The following ANOS1 variants were observed in gnomAD, a reference collection of about 807,000 sequenced individuals.
ANOS1 encodes anosmin 1.
Under a neutral mutation model 59.0 loss-of-function variants are expected in ANOS1, and 6 were observed. The observed-to-expected ratio is 0.10, with a 90% confidence interval of 0.06 to 0.20. The LOEUF is 0.20. Among genes scored for constraint, ANOS1 ranks in the 10% least tolerant of loss-of-function variants. The pLI is 1.00. For synonymous variants in ANOS1, 217 were observed against 223.4 expected (o/e 0.97, Z 0.25); for missense variants, 433 against 542.3 (o/e 0.80, Z 2.00).
intron 2 of ANOS1, among the ~76,000 whole-genome samples, chrX:8,646,924 A>C (rs59187089): frequency 0.29 from 27,879 of 95,517 alleles, 6,610 homozygotes; most frequent in African/African-American, 0.76. Flanking sequence ...CAGAGTGCGA[A>C]CCTGTCTCAA....
chrX:8,693,324 A>T (rs1602028523), intron 2 of ANOS1, among the ~76,000 whole-genome samples: 1 of 111,431 alleles, frequency 9.0e-6, no homozygotes, highest in South Asian at 3.8e-4. Context: ...GCAAACAATG[A>T]TCTCAGTGGT....
intron 7 of ANOS1, 114 bp from the exon 8 acceptor site, chrX:8,568,490 C>T: frequency 1.4e-6 from 1 of 713,559 alleles, no homozygotes. Flanking sequence ...TTTCTTTTAC[C>T]AACTTTTCTA....
intron 3 of ANOS1, among the ~76,000 whole-genome samples, chrX:8,606,001 G>A (rs1930935635): frequency 9.2e-6 from 1 of 108,755 alleles, no homozygotes; most frequent in East Asian, 2.9e-4. Context: ...GGGGCAGGGG[G>A]CATGATGTGC....
At chrX:8,550,074 A>T (rs1234482475) in intron 9 of ANOS1, among the ~76,000 whole-genome samples, 1 of 112,093 alleles carries the variant, frequency 8.9e-6, no homozygotes, top group African/African-American at 3.2e-5. Flanking sequence ...TACAAACTAG[A>T]TGATGGTTTT....
intron 1 of ANOS1, among the ~76,000 whole-genome samples, chrX:8,704,620 AAG>A (rs1569087008): frequency 8.9e-6 from 1 of 112,790 alleles, no homozygotes; most frequent in Non-Finnish European, 1.9e-5. Context: ...TGTCATTACA[AAG>A]AAATATTTGG....
chrX:8,658,509 C>T (rs986613062), intron 2 of ANOS1, among the ~76,000 whole-genome samples: 25 of 112,073 alleles, frequency 2.2e-4, no homozygotes, highest in African/African-American at 4.2e-4. Context: ...AAGATACTTA[C>T]GAATTGTTCA....
chrX:8,703,420 A>G (rs1932766417), intron 1 of ANOS1, among the ~76,000 whole-genome samples: 1 of 112,193 alleles, frequency 8.9e-6, no homozygotes, highest in African/African-American at 3.2e-5. Flanking sequence ...GGCCAAATCT[A>G]TGTGGCAGAA....
Position 8,560,644 on chromosome X carries a change from C to T in ANOS1, c.1208-6546G>A, listed in dbSNP as rs182979214. Among the ~76,000 whole-genome samples the T allele has an allele frequency of 4.5e-5, 5 of 112,234 alleles. No homozygotes were observed. In the South Asian group the frequency reaches 1.1e-3, roughly 25 times the overall value. Reference sequence around the variant, plus strand: ...AAGAGGAATTGGTATACACTGAAGACGAAAAAACCAGCGCTCAAAAATACT... The same window carrying T: ...AAGAGGAATTGGTATACACTGAAGATGAAAAAACCAGCGCTCAAAAATACT... On this transcript the variant is annotated intron_variant, in intron 8 of 13. Coordinates refer to ENST00000262648, the MANE Select transcript of ANOS1 (RefSeq NM_000216.4).
At chrX:8,647,525 A>C (rs1359864562) in intron 2 of ANOS1, among the ~76,000 whole-genome samples, 1 of 112,041 alleles carries the variant, frequency 8.9e-6, no homozygotes, top group Non-Finnish European at 1.9e-5. Context: ...AAGAGCAAGC[A>C]AAATATATAG....
chrX:8,537,032 C>T, intron 10 of ANOS1, 90 bp from the exon 11 acceptor site: 1 of 807,655 alleles, frequency 1.2e-6, no homozygotes, highest in Non-Finnish European at 1.8e-6. Flanking sequence ...TTCCATCCAA[C>T]AAGGATGTTT....
Position 8,732,004 on chromosome X carries a change from G to A in ANOS1, c.33C>T (p.Thr11=). The change falls in exon 1 of 14, where the codon ACC becomes ACT. Residue 11 remains threonine, a synonymous_variant. Transcript: ENST00000262648. Reference sequence around the variant, plus strand: ...TGGAGGCCGCCAGCCAGAGGCAGAGGGTCAGGACCGCGCCGGGCACCCCGG... The same window carrying A: ...TGGAGGCCGCCAGCCAGAGGCAGAGAGTCAGGACCGCGCCGGGCACCCCGG... MVPGVPGAVL[T]LCLWLAASSG... The A allele has an allele frequency of 3.8e-6, 4 of 1,049,942 alleles. No homozygotes were observed. The highest frequency in any genetic ancestry group is 3.7e-6 in the Non-Finnish European group (3 of 819,525). 86.5% of individuals were successfully genotyped at this position (1,049,942 alleles called of 1,213,427 possible). A position where few individuals can be genotyped will look rare whatever the true frequency, so the allele number is the denominator to read the frequency against.
intron 3 of ANOS1, among the ~76,000 whole-genome samples, chrX:8,619,477 G>GCA (rs1931249285): frequency 9.0e-6 from 1 of 110,979 alleles, no homozygotes; most frequent in South Asian, 3.8e-4. Context: ...GGTGATGCAT[G>GCA]CTTGTAGTCC....
chrX:8,697,458 A>G (rs1321022466), intron 2 of ANOS1, among the ~76,000 whole-genome samples: 1 of 108,361 alleles, frequency 9.2e-6, no homozygotes, highest in Non-Finnish European at 1.9e-5. Flanking sequence ...TTGGGGTCAG[A>G]GTGGAAGCTA....
intron 4 of ANOS1, among the ~76,000 whole-genome samples, chrX:8,594,697 T>TATATATATATATAC (rs1247233512): frequency 1.6e-4 from 3 of 18,549 alleles, no homozygotes; most frequent in Non-Finnish European, 2.6e-4. Context: ...TATATATATA[T>TATATATATATATAC]ACACATATAT....
rs1207803559 is a variant in ANOS1 at position 8,531,983 on chromosome X, C to T, written c.*1012G>A. The stretch of plus-strand genomic sequence containing the variant: ...TGAAAGCATATGGGTGAATTAAATG[C>T]AAATAACTGTCCTTCTCTATCAATC... On this transcript the variant is annotated 3_prime_UTR_variant, in exon 14 of 14. Coordinates refer to ENST00000262648, the MANE Select transcript of ANOS1 (RefSeq NM_000216.4). The T allele has an allele frequency of 1.8e-5, 2 of 111,347 alleles. No individual in the cohort carries two copies. Among genetic ancestry groups the T allele is most frequent in the Non-Finnish European group, 3.8e-5 (2 of 53,065 alleles). 9.2% of individuals were successfully genotyped at this position (111,347 alleles called of 1,213,427 possible). A position where few individuals can be genotyped will look rare whatever the true frequency, so the allele number is the denominator to read the frequency against.
intron 3 of ANOS1, among the ~76,000 whole-genome samples, chrX:8,610,212 T>C (rs1487100542): frequency 1.8e-5 from 2 of 110,448 alleles, no homozygotes; most frequent in Admixed American, 9.8e-5. Flanking sequence ...ACAAAGCTTA[T>C]ATGTTTTATT....
intron 2 of ANOS1, among the ~76,000 whole-genome samples, chrX:8,678,156 GT>G (rs1239214991): frequency 2.7e-5 from 3 of 112,192 alleles, no homozygotes; most frequent in South Asian, 3.7e-4. Flanking sequence ...TTAAAAAAGT[GT>G]TTGCAAGGGT....
intron 3 of ANOS1, among the ~76,000 whole-genome samples, chrX:8,598,610 T>A (rs1416187093): frequency 1.8e-5 from 2 of 111,350 alleles, no homozygotes; most frequent in African/African-American, 6.5e-5. Flanking sequence ...CTAACCCTCT[T>A]TTTGCTTTAT....
rs144620955 is a variant in ANOS1 at position 8,597,139 on chromosome X, C to T, written c.436G>A (p.Ala146Thr). 9.9e-6 allele frequency: 12 copies of T among 1,209,754 alleles called. No individual in the cohort carries two copies. Among genetic ancestry groups the T allele is most frequent in the African/African-American group, 5.3e-5 (3 of 57,062 alleles). ...TCAACTTCGCAGCTTTCAACACAGG[C>T]GGCCGCAAATCCACTGGCTTTCTCA... is the stretch of plus-strand genomic sequence containing the variant. ...APEKASGFAAACVESCEVDNE... is the reference protein window; with the variant it reads ...APEKASGFAATCVESCEVDNE... The change falls in exon 4 of 14, where the codon GCC (alanine) becomes ACC (threonine). Residue 146 changes from alanine to threonine, a missense_variant. By Grantham distance (58) the Ala-to-Thr change is moderately conservative. Coordinates refer to ENST00000262648, the MANE Select transcript of ANOS1 (RefSeq NM_000216.4).
Sources: allele counts gnomAD v4.1 joint callset (sites outside exome capture counted in the v4.1 genomes callset), GRCh38; gene constraint gnomAD v4.1.1; transcripts MANE v1.5; gene names NCBI Gene and HGNC (gene_info 2026-07-23, HGNC 2026-07-21).